MICU1: variants seen among roughly 807,000 people sequenced by gnomAD.
MICU1 encodes the protein calcium uptake protein 1, mitochondrial.
In MICU1, 45 loss-of-function variants were observed where a neutral mutation model predicts 56.8. That is an observed-to-expected ratio of 0.79 (90% confidence interval 0.62 to 1.02). The LOEUF is 1.02. Ranked by LOEUF, MICU1 falls within the 50% of genes least tolerant of loss-of-function variation. MICU1 has a pLI of 0.00. For missense variants in MICU1, 504 were observed against 587.1 expected (o/e 0.86, Z 1.46); for synonymous variants, 186 against 195.1 (o/e 0.95, Z 0.39).
At chr10:72,424,115 C>A (rs1369721183) in intron 8 of MICU1, among the ~76,000 whole-genome samples, 1 of 110,086 alleles carries the variant, frequency 9.1e-6, no homozygotes, top group African/African-American at 2.5e-5. Context: ...GACCATTTCC[C>A]CCCCACCTTT....
chr10:72,558,155 CAA>C (rs1327784450), intron 3 of MICU1, among the ~76,000 whole-genome samples: 1 of 151,768 alleles, frequency 6.6e-6, no homozygotes, highest in African/African-American at 2.4e-5. Flanking sequence ...TCTCACAATT[CAA>C]AGAGCAATTT....
At chr10:72,518,701 G>A (rs1211960951) in intron 5 of MICU1, among the ~76,000 whole-genome samples, 1 of 151,680 alleles carries the variant, frequency 6.6e-6, no homozygotes, top group Non-Finnish European at 1.5e-5. Context: ...TTTTCTCTTT[G>A]AGATGGAGCC....
chr10:72,620,713 A>G (rs949111950), intron 1 of MICU1, among the ~76,000 whole-genome samples: 2 of 152,210 alleles, frequency 1.3e-5, no homozygotes, highest in African/African-American at 4.8e-5. Flanking sequence ...GTCTACTTCT[A>G]GCCATTTCTT....
intron 4 of MICU1, among the ~76,000 whole-genome samples, chr10:72,538,240 G>C (rs1345765562): frequency 6.6e-6 from 1 of 152,000 alleles, no homozygotes; most frequent in African/African-American, 2.4e-5. Flanking sequence ...TAAAAAGACA[G>C]GCCCCAGACT....
At chr10:72,405,068 G>A (rs962992308) in intron 10 of MICU1, among the ~76,000 whole-genome samples, 3 of 150,552 alleles carry the variant, frequency 2.0e-5, no homozygotes, top group Admixed American at 2.0e-4. Flanking sequence ...CACCAAGCCC[G>A]GCTACTTTTT....
intron 1 of MICU1, among the ~76,000 whole-genome samples, chr10:72,625,279 C>G (rs955932545): frequency 6.6e-6 from 1 of 152,102 alleles, no homozygotes; most frequent in African/African-American, 2.4e-5. Flanking sequence ...TAATGGCCAC[C>G]GTATTTTTTA....
At chr10:72,581,577 G>A (rs1245149200) in intron 1 of MICU1, among the ~76,000 whole-genome samples, 1 of 151,632 alleles carries the variant, frequency 6.6e-6, no homozygotes, top group Admixed American at 6.6e-5. Flanking sequence ...GCAGTGAGCC[G>A]AGATCACACC....
chr10:72,407,895 T>A, intron 10 of MICU1, 34 bp downstream of exon 10: 1 of 1,448,510 alleles, frequency 6.9e-7, no homozygotes, highest in Non-Finnish European at 9.7e-7. Context: ...CCAATGTTCA[T>A]ACCTTCAAAA....
intron 10 of MICU1, among the ~76,000 whole-genome samples, chr10:72,381,996 ACACACACAC>A (rs1419156241): frequency 2.7e-5 from 4 of 148,912 alleles, no homozygotes; most frequent in African/African-American, 1.0e-4. Flanking sequence ...ACACACACAC[ACACACACAC>A]ATTAAGATGG....
chr10:72,415,657 T>C (rs1034289), intron 9 of MICU1, among the ~76,000 whole-genome samples: 67,343 of 152,122 alleles, frequency 0.44, 18,764 homozygotes, highest in Non-Finnish European at 0.64. Context: ...ACCTCCAAAC[T>C]TTTTAGCCTG....
intron 4 of MICU1, among the ~76,000 whole-genome samples, chr10:72,542,580 G>A (rs781003811): frequency 6.6e-6 from 1 of 152,192 alleles, no homozygotes; most frequent in Non-Finnish European, 1.5e-5. Context: ...GGGCCACGCA[G>A]CAGCATCTGG....
chr10:72,596,288 A>AT (rs1841378753), intron 1 of MICU1, among the ~76,000 whole-genome samples: 1 of 152,100 alleles, frequency 6.6e-6, no homozygotes, highest in South Asian at 2.1e-4. Context: ...ACATTTTTTA[A>AT]TTAGCCAGGC....
intron 8 of MICU1, among the ~76,000 whole-genome samples, chr10:72,457,471 C>T (rs933016362): frequency 2.6e-5 from 4 of 151,764 alleles, no homozygotes; most frequent in Non-Finnish European, 4.4e-5. Context: ...ATCCTCCCAC[C>T]CTGGCCTCCC....
At chr10:72,415,427 C>G (rs1171561037) in intron 9 of MICU1, among the ~76,000 whole-genome samples, 3 of 152,130 alleles carry the variant, frequency 2.0e-5, no homozygotes, top group Admixed American at 6.5e-5. Flanking sequence ...TCTTGGGTAC[C>G]TTTCAGAGGT....
At chr10:72,435,385 CAAA>C (rs34955776) in intron 8 of MICU1, among the ~76,000 whole-genome samples, 5 of 48,054 alleles carry the variant, frequency 1.0e-4, no homozygotes, top group Non-Finnish European at 9.9e-5. Flanking sequence ...GACCCTGTTA[CAAA>C]AAAAAAAAAA....
intron 4 of MICU1, among the ~76,000 whole-genome samples, chr10:72,550,157 TACA>T (rs1412911505): frequency 6.6e-6 from 1 of 152,200 alleles, no homozygotes; most frequent in African/African-American, 2.4e-5. Context: ...AGTCTAAGTA[TACA>T]ACGTTTATAA....
At chr10:72,625,376 C>T (rs1842202142) in intron 1 of MICU1, among the ~76,000 whole-genome samples, 1 of 152,168 alleles carries the variant, frequency 6.6e-6, no homozygotes, top group Admixed American at 6.5e-5. Context: ...TTAAACTGTT[C>T]TCCCAACATT....
At chr10:72,598,072 T>C (rs1036466245) in intron 1 of MICU1, among the ~76,000 whole-genome samples, 2 of 152,230 alleles carry the variant, frequency 1.3e-5, no homozygotes, top group African/African-American at 2.4e-5. Flanking sequence ...GAAACCCCAG[T>C]TGAGAATTAG....
In MICU1 at chr10:72,423,879, C is replaced by T. The variant is rs141318687; in HGVS notation, c.934-508G>A. On this transcript the variant is annotated intron_variant, in intron 8 of 11. Transcript: ENST00000361114. ...GAAGAGTAATATATTTTCAAGTTTC[C>T]CCAAAATAGCAATAAAATGTTAGGA... Among the ~76,000 whole-genome samples, 426 of 152,068 alleles carry T rather than the reference C, an allele frequency of 2.8e-3. 3 individuals are homozygous for T. Among genetic ancestry groups the T allele is most frequent in the African/African-American group, 9.7e-3 (402 of 41,434 alleles).
Sources: gnomAD v4.1 joint callset for allele counts (sites outside exome capture counted in the v4.1 genomes callset) on GRCh38, gnomAD v4.1.1 for gene constraint, MANE v1.5 for transcripts, NCBI Gene and HGNC (gene_info 2026-07-23, HGNC 2026-07-21) for gene names.